The following CLIC5 variants were observed in gnomAD, a reference collection of about 807,000 sequenced individuals.
CLIC5 encodes chloride intracellular channel protein 5.
CLIC5 carries 20 observed loss-of-function variants against 24.7 expected under a neutral mutation model. The observed-to-expected ratio is 0.81, with a 90% CI of 0.57 to 1.18. CLIC5 has a LOEUF of 1.18. Ranked by LOEUF, CLIC5 falls within the 50% of genes most tolerant of loss-of-function variation. The pLI is 0.00. For synonymous variants in CLIC5, 159 were observed against 135.6 expected (o/e 1.17, Z -1.20); for missense variants, 341 against 326.1 (o/e 1.05, Z -0.35).
intron 1 of CLIC5, among the ~76,000 whole-genome samples, chr6:45,981,713 A>G (rs575235556): frequency 4.6e-5 from 7 of 152,284 alleles, no homozygotes; most frequent in Admixed American, 1.3e-4. Flanking sequence ...CTGATGAAAT[A>G]CAGGGGACAG....
Position 45,917,994 on chromosome 6 carries a change from C to T in CLIC5, c.407-3585G>A, listed in dbSNP as rs76690575. 6.3e-3 allele frequency among the ~76,000 whole-genome samples: 959 copies of T among 152,334 alleles called. 29 individuals carry two copies. Among genetic ancestry groups the T allele is most frequent in the Admixed American group, 0.046 (700 of 15,296 alleles). On this transcript the variant is annotated intron_variant, in intron 4 of 5. Transcript: ENST00000339561. ...GAGCCTAGGGTTGGGGCACCCAAGACGCAGGATCACTAACATCCCAGGGAC... is the reference window on the plus strand; with the variant it reads ...GAGCCTAGGGTTGGGGCACCCAAGATGCAGGATCACTAACATCCCAGGGAC...
downstream of CLIC5, among the ~76,000 whole-genome samples, chr6:45,898,217 C>T (rs912954421): frequency 3.9e-5 from 6 of 152,024 alleles, no homozygotes; most frequent in Middle Eastern, 3.2e-3. Flanking sequence ...GGATTACAGT[C>T]GAATCACTTG....
intron 1 of CLIC5, among the ~76,000 whole-genome samples, chr6:45,990,628 G>C (rs191745951): frequency 3.3e-5 from 5 of 152,270 alleles, no homozygotes; most frequent in African/African-American, 1.2e-4. Flanking sequence ...ACATAGTAAG[G>C]GTGTTCATCC....
chr6:45,951,859 T>C (rs528420109), intron 2 of CLIC5, among the ~76,000 whole-genome samples: 13 of 152,258 alleles, frequency 8.5e-5, no homozygotes, highest in African/African-American at 3.1e-4. Context: ...AGAATTTCAA[T>C]TACTGTGCTA....
chr6:45,953,861 G>A (rs1457904160), intron 2 of CLIC5, among the ~76,000 whole-genome samples: 1 of 152,144 alleles, frequency 6.6e-6, no homozygotes, highest in Non-Finnish European at 1.5e-5. Context: ...TGTAGGCTTT[G>A]AGAATGAAAA....
chr6:46,115,132 T>C, the CLIC5 span, among the ~76,000 whole-genome samples: 1 of 152,128 alleles, frequency 6.6e-6, no homozygotes, highest in Non-Finnish European at 1.5e-5. Flanking sequence ...CTTAGGAGGA[T>C]AGTTGGAAAC....
the CLIC5 span, among the ~76,000 whole-genome samples, chr6:46,106,403 G>C: frequency 6.6e-6 from 1 of 152,172 alleles, no homozygotes; most frequent in South Asian, 2.1e-4. Context: ...ACTATGCCAG[G>C]CCAGAATCCT....
chr6:45,949,391 G>A lies in CLIC5; in HGVS notation c.174-10C>T. The A allele has an allele frequency of 6.2e-7, 1 of 1,611,080 alleles. No homozygotes were observed. The highest frequency in any genetic ancestry group is 8.5e-7 in the Non-Finnish European group (1 of 1,178,734). ...CAGGTCAGCTGGCTTTCTGTAGAGA[G>A]AGCAAGATTCAGGTGTTGGCTTACA... On this transcript the variant is annotated splice_polypyrimidine_tract_variant and intron_variant, in intron 2 of 5. Transcript: ENST00000339561.
intron 1 of CLIC5, among the ~76,000 whole-genome samples, chr6:46,040,479 C>T (rs1767776297): frequency 1.3e-5 from 2 of 151,642 alleles, no homozygotes; most frequent in Admixed American, 1.3e-4. Flanking sequence ...ATGGCGCTGG[C>T]ATTGTTGGTA....
At chr6:46,043,027 T>C (rs1410373808) in intron 1 of CLIC5, among the ~76,000 whole-genome samples, 1 of 152,156 alleles carries the variant, frequency 6.6e-6, no homozygotes, top group African/African-American at 2.4e-5. Context: ...AAAACAGAGA[T>C]ATATTTCAGA....
intron 1 of CLIC5, among the ~76,000 whole-genome samples, chr6:45,990,301 T>C (rs552683624): frequency 3.3e-5 from 5 of 152,318 alleles, no homozygotes; most frequent in African/African-American, 1.2e-4. Context: ...TTTCCATTCA[T>C]GTTTAAGTCA....
chr6:46,113,375 G>T, the CLIC5 span, among the ~76,000 whole-genome samples: 3 of 152,230 alleles, frequency 2.0e-5, no homozygotes, highest in Non-Finnish European at 2.9e-5. Flanking sequence ...CGGGAAGAAG[G>T]GGGGTGGCCT....
chr6:46,071,534 T>C (rs1409135905), intron 1 of CLIC5, among the ~76,000 whole-genome samples: 1 of 152,060 alleles, frequency 6.6e-6, no homozygotes, highest in East Asian at 1.9e-4. Context: ...CATAATGAAA[T>C]ACCATCTCAT....
At chr6:46,055,900 A>G (rs1018960854) in intron 1 of CLIC5, among the ~76,000 whole-genome samples, 2 of 152,208 alleles carry the variant, frequency 1.3e-5, no homozygotes, top group Admixed American at 6.5e-5. Context: ...AGAGACAGAA[A>G]GTAAAGTGGT....
At chr6:46,066,989 C>T (rs7738939) in intron 1 of CLIC5, among the ~76,000 whole-genome samples, 43,097 of 151,840 alleles carry the variant, frequency 0.28, 6,493 homozygotes, top group East Asian at 0.46. Flanking sequence ...ATTAGAGAAG[C>T]CATTAGGTTG....
chr6:46,000,248 G>T (rs939625685), intron 1 of CLIC5, among the ~76,000 whole-genome samples: 10 of 152,116 alleles, frequency 6.6e-5, no homozygotes, highest in Non-Finnish European at 1.2e-4. Context: ...GTATGGAGGG[G>T]TCAGTGCCCC....
the CLIC5 span, among the ~76,000 whole-genome samples, chr6:46,087,750 G>T: frequency 6.6e-6 from 1 of 152,136 alleles, no homozygotes; most frequent in Non-Finnish European, 1.5e-5. Flanking sequence ...TCCAAATACT[G>T]AGGAGCCCAG....
chr6:46,117,120 T>A, the CLIC5 span, among the ~76,000 whole-genome samples: 1 of 152,218 alleles, frequency 6.6e-6, no homozygotes, highest in Non-Finnish European at 1.5e-5. Flanking sequence ...GGCTCTTCTC[T>A]ACCTAGTGCA....
At chr6:46,032,234 C>A (rs1363628511) in intron 1 of CLIC5, among the ~76,000 whole-genome samples, 1 of 152,100 alleles carries the variant, frequency 6.6e-6, no homozygotes, top group African/African-American at 2.4e-5. Flanking sequence ...AGGTGCTACA[C>A]ACTTTTAAAC....
Sources: gnomAD v4.1 joint callset for allele counts (sites outside exome capture counted in the v4.1 genomes callset) on GRCh38, gnomAD v4.1.1 for gene constraint, MANE v1.5 for transcripts, NCBI Gene and HGNC (gene_info 2026-07-23, HGNC 2026-07-21) for gene names.